Variants in FGD6 observed in about 807,000 individuals in gnomAD.
The protein encoded by FGD6 is FYVE, RhoGEF and PH domain-containing protein 6.
A neutral mutation model predicts 149.4 loss-of-function variants in FGD6; 90 were observed. The observed-to-expected ratio is 0.60, with a 90% CI of 0.51 to 0.72. The LOEUF (loss-of-function observed/expected upper bound fraction) is 0.72, where lower values mean the gene tolerates loss of function less well. FGD6 is among the 30% of genes least tolerant of loss of function. The pLI, the probability that FGD6 is intolerant of heterozygous loss-of-function variation, is 0.00. For missense variants in FGD6, 1,437 were observed against 1,684.8 expected (o/e 0.85, Z 2.57); for synonymous variants, 527 against 584.0 (o/e 0.90, Z 1.41).
intron 8 of FGD6, 91 bp downstream of exon 8, chr12:95,134,648 C>T: frequency 2.7e-6 from 3 of 1,122,888 alleles, no homozygotes; most frequent in Non-Finnish European, 4.0e-6. Flanking sequence ...GGGTGATATA[C>T]AAAGAGAGGC....
intron 3 of FGD6, among the ~76,000 whole-genome samples, chr12:95,171,102 A>G (rs939429466): frequency 1.3e-5 from 2 of 152,126 alleles, no homozygotes; most frequent in Admixed American, 1.3e-4. Flanking sequence ...TATGAGTACT[A>G]TTCTTTTTTT....
At chr12:95,162,625 A>G (rs898385464) in intron 3 of FGD6, among the ~76,000 whole-genome samples, 1 of 152,182 alleles carries the variant, frequency 6.6e-6, no homozygotes, top group African/African-American at 2.4e-5. Flanking sequence ...AAGCACAACT[A>G]TGAAAAGTGC....
At chr12:95,191,064 T>A (rs921111880) in intron 2 of FGD6, among the ~76,000 whole-genome samples, 14 of 152,176 alleles carry the variant, frequency 9.2e-5, no homozygotes, top group African/African-American at 3.4e-4. Context: ...TACAGTTCCA[T>A]CAAACTAGAT....
chr12:95,206,547 G>T (rs535977970), intron 2 of FGD6, among the ~76,000 whole-genome samples: 58 of 152,022 alleles, frequency 3.8e-4, no homozygotes, highest in African/African-American at 1.4e-3. Flanking sequence ...AAAATCAGCT[G>T]GGTGTGGTGG....
At position 95,211,053 on chromosome 12, in the gene FGD6, C is replaced by T; in HGVS notation, c.231G>A (p.Leu77=). Residue 77 remains leucine (L), a synonymous_variant, in exon 2 of 21, where the codon TTG becomes TTA. Transcript: ENST00000343958. ...IGQSPSRKIM[L]NLEGHKQELA... ...ATTCCTGTTTATGCCCTTCCAGGTT[C>T]AACATGATTTTCCTTGATGGCGACT... 1 of 1,614,096 alleles carries T rather than the reference C, an allele frequency of 6.2e-7. No homozygotes were observed. The highest frequency in any genetic ancestry group is 8.5e-7 in the Non-Finnish European group (1 of 1,180,010).
chr12:95,202,390 A>AAAAATAAAATAAAATAAAAT (rs59414022), intron 2 of FGD6, among the ~76,000 whole-genome samples: 8,918 of 141,704 alleles, frequency 0.063, 438 homozygotes, highest in African/African-American at 0.13. Flanking sequence ...CCATTTCCCA[A>AAAAATAAAATAAAATAAAAT]AAAATAAAAT....
At chr12:95,120,214 G>A (rs1055324960) in intron 8 of FGD6, among the ~76,000 whole-genome samples, 1 of 151,868 alleles carries the variant, frequency 6.6e-6, no homozygotes, top group East Asian at 1.9e-4. Context: ...GGGTGACAGA[G>A]TGAGTCCGTC....
intron 5 of FGD6, among the ~76,000 whole-genome samples, chr12:95,149,305 T>TTATATAGCA (rs1565909035): frequency 2.3e-4 from 22 of 96,092 alleles, no homozygotes; most frequent in South Asian, 1.1e-3. Flanking sequence ...ATATAATATA[T>TTATATAGCA]TATATTATAT....
At chr12:95,200,280 T>C (rs2056649138) in intron 2 of FGD6, among the ~76,000 whole-genome samples, 1 of 152,166 alleles carries the variant, frequency 6.6e-6, no homozygotes, top group Non-Finnish European at 1.5e-5. Flanking sequence ...ATTTCAAACA[T>C]AAAAAGCCTA....
intron 2 of FGD6, among the ~76,000 whole-genome samples, chr12:95,208,310 C>T (rs771976274): frequency 1.3e-5 from 2 of 151,906 alleles, no homozygotes; most frequent in African/African-American, 2.4e-5. Context: ...AGAGTAGTTA[C>T]GTGTTTCCTG....
rs1195329719 is a variant in FGD6 at position 95,081,807 on chromosome 12, G to A, written c.4257-251C>T. Among the ~76,000 whole-genome samples the A allele has an allele frequency of 5.3e-5, 8 of 151,146 alleles. No individual in the cohort carries two copies. The East Asian group carries it at 1.4e-3, about 26-fold the overall frequency. Reference sequence around the variant, plus strand: ...TCAAGCGATTCCTCCCAAGTAGCTCGAATTACAGGCATGTGCCACCACACC... The same window carrying A: ...TCAAGCGATTCCTCCCAAGTAGCTCAAATTACAGGCATGTGCCACCACACC... On this transcript the variant is annotated intron_variant, in intron 20 of 20. Transcript: ENST00000343958.
chr12:95,194,153 G>A (rs1037612194), intron 2 of FGD6, among the ~76,000 whole-genome samples: 2 of 151,936 alleles, frequency 1.3e-5, no homozygotes, highest in East Asian at 3.9e-4. Flanking sequence ...TTGAACTCCT[G>A]GGCTCAAATG....
chr12:95,148,585 T>C (rs909542071), intron 5 of FGD6, among the ~76,000 whole-genome samples: 49 of 137,486 alleles, frequency 3.6e-4, no homozygotes, highest in African/African-American at 1.3e-3. Flanking sequence ...ACATAGCATA[T>C]ATTATATAAT....
At chr12:95,097,605 C>T (rs1446277541) in intron 14 of FGD6, among the ~76,000 whole-genome samples, 1 of 135,716 alleles carries the variant, frequency 7.4e-6, no homozygotes, top group Non-Finnish European at 1.5e-5. Flanking sequence ...CACTGCACTC[C>T]AGCCTGGGCA....
At chr12:95,122,730 G>C (rs766886502) in intron 8 of FGD6, among the ~76,000 whole-genome samples, 1 of 147,492 alleles carries the variant, frequency 6.8e-6, no homozygotes, top group Non-Finnish European at 1.5e-5. Flanking sequence ...TCTAGTCCTT[G>C]AATCTGTATG....
intron 3 of FGD6, among the ~76,000 whole-genome samples, chr12:95,155,717 G>C (rs1011537171): frequency 6.6e-6 from 1 of 152,132 alleles, no homozygotes; most frequent in Non-Finnish European, 1.5e-5. Flanking sequence ...CGTAAAGTGA[G>C]AGTTGGACCA....
intron 20 of FGD6, among the ~76,000 whole-genome samples, chr12:95,083,011 A>AT (rs34409814): frequency 2.2e-3 from 131 of 60,570 alleles, no homozygotes; most frequent in South Asian, 3.3e-3. Flanking sequence ...AAAAAAAAAA[A>AT]AATATATATA....
At position 95,211,282 on chromosome 12, in the gene FGD6, A is replaced by G; in HGVS notation, c.17-15T>C. ...CTTCTTTATCTCTAGAAAGGAAAAA[A>G]TAATAATTTGATGTCAAAACAACCA... On this transcript the variant is annotated splice_polypyrimidine_tract_variant and intron_variant, in intron 1 of 20. Coordinates refer to ENST00000343958, the MANE Select transcript of FGD6 (RefSeq NM_018351.4). 1 of 1,531,970 alleles carries G rather than the reference A, an allele frequency of 6.5e-7. No homozygotes were observed. The highest frequency in any genetic ancestry group is 8.7e-7 in the Non-Finnish European group (1 of 1,149,890). The allele number at this position is 1,531,970 out of a possible 1,614,324, so 94.9% of individuals were successfully genotyped here.
chr12:95,171,219 G>C (rs1395657005), intron 3 of FGD6, among the ~76,000 whole-genome samples: 1 of 151,976 alleles, frequency 6.6e-6, no homozygotes, highest in Non-Finnish European at 1.5e-5. Flanking sequence ...TGCTGCACGT[G>C]GGCCATTCAT....
Sources: allele counts gnomAD v4.1 joint callset (sites outside exome capture counted in the v4.1 genomes callset), GRCh38; gene constraint gnomAD v4.1.1; transcripts MANE v1.5; gene names NCBI Gene and HGNC (gene_info 2026-07-23, HGNC 2026-07-21).